The following RADX variants were observed in gnomAD, a reference collection of about 807,000 sequenced individuals.
The protein encoded by RADX is RPA1 related single stranded DNA binding protein, X-linked.
A neutral mutation model predicts 61.6 loss-of-function variants in RADX; 36 were observed. The observed-to-expected ratio is 0.58, with a 90% CI of 0.45 to 0.77. RADX has a LOEUF of 0.77. Among genes scored for constraint, RADX ranks in the 30% least tolerant of loss-of-function variants. RADX has a pLI of 0.00. For synonymous variants in RADX, 272 were observed against 237.9 expected, an observed-to-expected ratio of 1.14 and a Z score of -1.32; for missense variants, 497 against 651.1, an observed-to-expected ratio of 0.76 and a Z score of 2.58.
intron 10 of RADX, among the ~76,000 whole-genome samples, chrX:106,641,275 T>C (rs188470241): frequency 9.4e-6 from 1 of 105,829 alleles, no homozygotes; most frequent in African/African-American, 3.9e-5. Flanking sequence ...AAGTCTGCCC[T>C]CTGGTCCCAC....
chrX:106,653,308 G>A (rs926651016), intron 11 of RADX, among the ~76,000 whole-genome samples: 15 of 110,521 alleles, frequency 1.4e-4, no homozygotes, highest in Non-Finnish European at 2.5e-4. Flanking sequence ...TTATATAGAA[G>A]TAAAGTGTTA....
At chrX:106,620,530 C>T (rs993182021) in intron 1 of RADX, among the ~76,000 whole-genome samples, 5 of 109,966 alleles carry the variant, frequency 4.5e-5, no homozygotes, top group Non-Finnish European at 1.9e-5. Flanking sequence ...AAAAGTTAGC[C>T]GGGCATTGTG....
Position 106,644,042 on chromosome X carries a change from G to A in RADX, c.1904+3321G>A, listed in dbSNP as rs752502882. Among the ~76,000 whole-genome samples, 96 of 111,295 alleles carry A rather than the reference G, an allele frequency of 8.6e-4. 1 individual carries two copies. Among genetic ancestry groups the A allele is most frequent in the African/African-American group, 2.9e-3 (89 of 30,751 alleles). On this transcript the variant is annotated intron_variant, in intron 10 of 13. Coordinates refer to ENST00000372548, the MANE Select transcript of RADX (RefSeq NM_018015.6). ...GTATTTAATTTTATGTGTGGCTGTC[G>A]TAAATGGGATTACTTTTTTATTTCT... is the stretch of plus-strand genomic sequence containing the variant.
chrX:106,634,064 C>T (rs190590061), intron 6 of RADX, among the ~76,000 whole-genome samples: 38 of 111,130 alleles, frequency 3.4e-4, no homozygotes, highest in African/African-American at 1.2e-3. Context: ...AATGCTTGGC[C>T]AACATTGAAG....
At position 106,678,221 on chromosome X, in the gene RADX, AT is replaced by A. The variant is rs1928556687; in HGVS notation, c.2534del (p.Leu845CysfsTer14). ...CNLGNNKVEV[Y>X]LHKIYSPENT... ...TTGGGTAATAATAAAGTGGAAGTCT[AT>A]TTGCACAAGATTTATAGTCCAGAGA... On this transcript the variant is annotated frameshift_variant, in exon 14 of 14. Transcript: ENST00000372548. LOFTEE classifies it high-confidence loss of function. 1 of 1,169,774 alleles carries A rather than the reference AT, an allele frequency of 8.5e-7. No homozygotes were observed. The highest frequency in any genetic ancestry group is 1.8e-5 in the African/African-American group (1 of 56,498).
intron 10 of RADX, among the ~76,000 whole-genome samples, chrX:106,644,473 A>G (rs1316245896): frequency 2.7e-5 from 3 of 111,126 alleles, no homozygotes; most frequent in Non-Finnish European, 3.8e-5. Context: ...GAGGGTTTTT[A>G]TCATGAAGGG....
chrX:106,644,337 C>T (rs768016506), intron 10 of RADX, among the ~76,000 whole-genome samples: 91 of 111,083 alleles, frequency 8.2e-4, no homozygotes, highest in Non-Finnish European at 1.6e-3. Context: ...AAGTGTGCAT[C>T]CTTGTTGTCT....
intron 10 of RADX, among the ~76,000 whole-genome samples, chrX:106,645,731 G>A (rs1927641843): frequency 9.0e-6 from 1 of 111,450 alleles, no homozygotes; most frequent in African/African-American, 3.2e-5. Context: ...TTCTGCAGCT[G>A]TTGGATTACA....
chrX:106,644,549 T>A (rs1485540469), intron 10 of RADX, among the ~76,000 whole-genome samples: 1 of 111,688 alleles, frequency 9.0e-6, no homozygotes, highest in Non-Finnish European at 1.9e-5. Context: ...TGATCCTTTT[T>A]TCTGTTGATA....
chrX:106,672,783 A>G (rs1928399379), intron 13 of RADX, among the ~76,000 whole-genome samples: 2 of 111,912 alleles, frequency 1.8e-5, no homozygotes, highest in Non-Finnish European at 3.8e-5. Context: ...ACTAGAGTCA[A>G]AAATCTTAGA....
intron 11 of RADX, among the ~76,000 whole-genome samples, chrX:106,649,832 C>A (rs1302326065): frequency 9.0e-6 from 1 of 111,264 alleles, no homozygotes; most frequent in Admixed American, 9.6e-5. Flanking sequence ...TATGGTAAAT[C>A]TGGCCGATTG....
chrX:106,625,179 T>C lies in RADX; in HGVS notation c.876T>C (p.Val292=). 8.3e-7 allele frequency: 1 copy of C among 1,206,198 alleles called. No homozygotes were observed. Among genetic ancestry groups the C allele is most frequent in the East Asian group, 3.0e-5 (1 of 33,668 alleles). The change falls in exon 3 of 14, where the codon GTT becomes GTC. Residue 292 remains valine, a synonymous_variant. Transcript: ENST00000372548. The stretch of plus-strand genomic sequence containing the variant: ...CTGAGTGGTATAAAAGTTTGCGGGT[T>C]GGTTTAGTTCTTCTGCTTCAAGACT... The part of the protein sequence containing the change: ...LCPEWYKSLR[V]GLVLLLQDYS...
rs200804050 is a variant in RADX, at chrX:106,631,874, AAGTT to A, written c.980-746_980-743del. On this transcript the variant is annotated intron_variant, in intron 3 of 13. Transcript: ENST00000372548. ...AAGAAAAAGAGAAAAGAAAGAAAGA[AAGTT>A]AGTTGACAATACCAAGGTTTGGAGA... Among the ~76,000 whole-genome samples the A allele has an allele frequency of 2.5e-4, 28 of 111,229 alleles. No homozygotes were observed. In the East Asian group the frequency reaches 3.9e-3, roughly 16 times the overall value.
Position 106,612,559 on chromosome X carries a change from A to T in RADX, c.479A>T (p.Asp160Val), listed in dbSNP as rs1316445875. 8.3e-7 allele frequency: 1 copy of T among 1,211,829 alleles called. No homozygotes were observed. Among genetic ancestry groups the T allele is most frequent in the Non-Finnish European group, 1.1e-6 (1 of 895,509 alleles). Residue 160 changes from aspartate to valine, a missense_variant, in exon 1 of 14, where the codon GAC becomes GTC. Asp to Val is a radical substitution (Grantham distance 152). Coordinates refer to ENST00000372548, the MANE Select transcript of RADX (RefSeq NM_018015.6). ...AACGTCCACTGTGGGGAGACTTCAG[A>T]CAGTATTTCTTTAGAAACTCCCTTC... ...IDNVHCGETS[D>V]SISLETPFRN...
At chrX:106,634,498 T>C (rs1175069415) in intron 6 of RADX, among the ~76,000 whole-genome samples, 1 of 111,518 alleles carries the variant, frequency 9.0e-6, no homozygotes, top group African/African-American at 3.3e-5. Flanking sequence ...CCAAGAGACC[T>C]AGACACTATA....
intron 12 of RADX, among the ~76,000 whole-genome samples, chrX:106,668,757 A>G (rs6622104): frequency 0.17 from 19,232 of 110,844 alleles, 1,503 homozygotes; most frequent in East Asian, 0.54. Flanking sequence ...TGCATTAGTC[A>G]GATATCTTTG....
intron 11 of RADX, among the ~76,000 whole-genome samples, chrX:106,660,252 C>T (rs1354696615): frequency 1.8e-5 from 2 of 111,576 alleles, no homozygotes; most frequent in Non-Finnish European, 3.8e-5. Context: ...TGTTATCAAT[C>T]ATTATTATAG....
At position 106,653,504 on chromosome X, in the gene RADX, GTTTTATTTTATTTTA is replaced by G. The variant is rs60789629; in HGVS notation, c.1978+5151_1978+5165del. Among the ~76,000 whole-genome samples the G allele has an allele frequency of 5.4e-3, 550 of 102,422 alleles. 1 individual carries two copies. Among genetic ancestry groups the G allele is most frequent in the African/African-American group, 9.0e-3 (251 of 28,026 alleles). 88.9% of individuals were successfully genotyped at this position (102,422 alleles called of 115,157 possible). ...CAATAGCAGGGCTTAATGGGATTAT[GTTTTATTTTATTTTA>G]TTTTATTTTATTTTATTTTATTTTA... On this transcript the variant is annotated intron_variant, in intron 11 of 13. Coordinates refer to ENST00000372548, the MANE Select transcript of RADX (RefSeq NM_018015.6).
At chrX:106,671,724 T>C (rs969562454) in intron 13 of RADX, among the ~76,000 whole-genome samples, 1 of 111,785 alleles carries the variant, frequency 8.9e-6, no homozygotes, top group African/African-American at 3.2e-5. Flanking sequence ...TAAGCAAAAA[T>C]ATATATTATT....
Sources: allele counts gnomAD v4.1 joint callset (sites outside exome capture counted in the v4.1 genomes callset), GRCh38; gene constraint gnomAD v4.1.1; transcripts MANE v1.5; gene names NCBI Gene and HGNC (gene_info 2026-07-23, HGNC 2026-07-21).